OR51B5: variants seen among roughly 807,000 people sequenced by gnomAD.
OR51B5 encodes olfactory receptor family 51 subfamily B member 5.
For missense variants in OR51B5, 456 were observed against 374.6 expected, an observed-to-expected ratio of 1.22 and a Z score of -1.79; for synonymous variants, 186 against 144.8, an observed-to-expected ratio of 1.28 and a Z score of -2.04.
chr11:5,461,216 C>A (rs371765905), intron 1 of OR51B5, among the ~76,000 whole-genome samples: 1 of 152,098 alleles, frequency 6.6e-6, no homozygotes, highest in African/African-American at 2.4e-5. Context: ...ACTGCTCGGG[C>A]GATGGTGGGT....
In OR51B5 at chr11:5,356,197, G is replaced by A. The variant is rs138111448; in HGVS notation, n.85-9287C>T. ...TACTCCGAGCTAAAGGAGGAAGCTC[G>A]AACCCATGGCAAAAAAGTTAAAAAC... On this transcript the variant is annotated intron_variant and non_coding_transcript_variant, in intron 1 of 4. Transcript: ENST00000415970. Among the ~76,000 whole-genome samples the A allele has an allele frequency of 4.5e-3, 679 of 152,140 alleles. 3 individuals are homozygous for A. Among genetic ancestry groups the A allele is most frequent in the African/African-American group, 0.015 (642 of 41,514 alleles).
chr11:5,370,538 C>T (rs1050559634), intron 1 of OR51B5, among the ~76,000 whole-genome samples: 2 of 152,146 alleles, frequency 1.3e-5, no homozygotes, highest in African/African-American at 4.8e-5. Context: ...TTCTTACTTT[C>T]TGTCTTTCTC....
chr11:5,354,324 C>T (rs1419618399), intron 1 of OR51B5, among the ~76,000 whole-genome samples: 1 of 152,198 alleles, frequency 6.6e-6, no homozygotes, highest in East Asian at 1.9e-4. Context: ...ATCCTGAAAC[C>T]TGCCATAGCA....
intron 1 of OR51B5, among the ~76,000 whole-genome samples, chr11:5,500,209 C>A (rs1851697996): frequency 6.6e-6 from 1 of 152,200 alleles, no homozygotes; most frequent in African/African-American, 2.4e-5. Context: ...TTTGCTCTTG[C>A]AGTAGTAAAC....
chr11:5,454,035 G>C (rs773003890), intron 1 of OR51B5: 1 of 1,614,056 alleles, frequency 6.2e-7, no homozygotes, highest in Admixed American at 1.7e-5. Flanking sequence ...CCTGCACCCA[G>C]ACATGATGAG....
At chr11:5,458,184 A>G (rs1289598950) in intron 1 of OR51B5, among the ~76,000 whole-genome samples, 1 of 152,196 alleles carries the variant, frequency 6.6e-6, no homozygotes, top group African/African-American at 2.4e-5. Context: ...TCTACTGGGT[A>G]TGGTTAGCCA....
intron 1 of OR51B5, among the ~76,000 whole-genome samples, chr11:5,366,055 G>GT (rs71468029): frequency 7.3e-6 from 1 of 136,786 alleles, no homozygotes; most frequent in Non-Finnish European, 1.6e-5. Flanking sequence ...TAATCAGCAT[G>GT]TTTGGGGGCT....
intron 1 of OR51B5, among the ~76,000 whole-genome samples, chr11:5,353,821 G>A (rs757339754): frequency 2.0e-5 from 3 of 152,184 alleles, no homozygotes; most frequent in Non-Finnish European, 4.4e-5. Flanking sequence ...TCACAGAAAG[G>A]TGGGGATTTT....
At chr11:5,376,339 A>G (rs1450317745) in intron 1 of OR51B5, among the ~76,000 whole-genome samples, 1 of 152,220 alleles carries the variant, frequency 6.6e-6, no homozygotes, top group African/African-American at 2.4e-5. Flanking sequence ...TTATAGCACT[A>G]AACGCCCACA....
At chr11:5,346,840 T>C (rs1478252796), upstream of OR51B5, 1 of 152,148 alleles carries the variant, frequency 6.6e-6, no homozygotes, top group Non-Finnish European at 1.5e-5. Context: ...CATAACTTGT[T>C]TGATGGTGAG....
intron 1 of OR51B5, among the ~76,000 whole-genome samples, chr11:5,350,564 T>C (rs1443332952): frequency 6.6e-6 from 1 of 152,136 alleles, no homozygotes; most frequent in Non-Finnish European, 1.5e-5. Context: ...CTCACTTTTG[T>C]CAAATCCCAT....
intron 1 of OR51B5, among the ~76,000 whole-genome samples, chr11:5,493,460 A>C: frequency 6.6e-6 from 1 of 152,226 alleles, no homozygotes; most frequent in East Asian, 1.9e-4. Context: ...TCAGATAAAT[A>C]AAGAATTATC....
intron 1 of OR51B5, among the ~76,000 whole-genome samples, chr11:5,388,614 G>T (rs1849739740): frequency 6.7e-6 from 1 of 150,008 alleles, no homozygotes; most frequent in Non-Finnish European, 1.5e-5. Flanking sequence ...GAGGAAATTA[G>T]GATAGATAAG....
chr11:5,386,698 G>C (rs1275074734), intron 1 of OR51B5, among the ~76,000 whole-genome samples: 1 of 152,070 alleles, frequency 6.6e-6, no homozygotes, highest in African/African-American at 2.4e-5. Context: ...CATGTTGAAT[G>C]ACAGGTCAGG....
chr11:5,418,374 G>A (rs1850273560), intron 1 of OR51B5, among the ~76,000 whole-genome samples: 1 of 151,780 alleles, frequency 6.6e-6, no homozygotes, highest in Non-Finnish European at 1.5e-5. Context: ...CCTGCACATT[G>A]TGCACATGTA....
chr11:5,419,617 A>G (rs1023368577), intron 1 of OR51B5, among the ~76,000 whole-genome samples: 5 of 152,146 alleles, frequency 3.3e-5, no homozygotes, highest in African/African-American at 1.2e-4. Context: ...ACATGCAAAC[A>G]CTACCATTTT....
exon 1 of OR51B5, chr11:5,343,123 A>G (rs1848926208): frequency 6.2e-7 from 1 of 1,613,414 alleles, no homozygotes; most frequent in Admixed American, 1.7e-5. Context: ...GAGTATTAGT[A>G]AGTACAGAGG....
intron 1 of OR51B5, among the ~76,000 whole-genome samples, chr11:5,414,305 C>T (rs1330498995): frequency 6.8e-6 from 1 of 148,030 alleles, no homozygotes; most frequent in Admixed American, 6.8e-5. Context: ...AAAGGAACAA[C>T]CGGTACCAGC....
At chr11:5,453,626 G>A (rs1341309957) in intron 1 of OR51B5, 6 of 1,613,706 alleles carry the variant, frequency 3.7e-6, no homozygotes, top group Non-Finnish European at 5.1e-6. Flanking sequence ...CAGTGATCCT[G>A]CAGGCTGTGC....
Sources: allele counts gnomAD v4.1 joint callset (sites outside exome capture counted in the v4.1 genomes callset), GRCh38; gene constraint gnomAD v4.1.1; transcripts MANE v1.5; gene names NCBI Gene and HGNC (gene_info 2026-07-23, HGNC 2026-07-21).